Variants in TBL1X observed in about 807,000 individuals in gnomAD.
TBL1X encodes the protein F-box-like/WD repeat-containing protein TBL1X.
A neutral mutation model predicts 50.7 loss-of-function variants in TBL1X; 10 were observed. That is an observed-to-expected ratio of 0.20 (90% CI 0.12 to 0.33). The LOEUF is 0.33. TBL1X is among the 10% of genes least tolerant of loss of function. TBL1X has a pLI of 1.00. For synonymous variants in TBL1X, 190 were observed against 214.7 expected (o/e 0.88, Z 1.01); for missense variants, 340 against 504.4 (o/e 0.67, Z 3.12).
At position 9,483,155 on chromosome X, in the gene TBL1X, T is replaced by C. The variant is rs985182237; in HGVS notation, c.-201+17708T>C. Among the ~76,000 whole-genome samples, 29 of 111,573 alleles carry C rather than the reference T, an allele frequency of 2.6e-4. No individual in the cohort carries two copies. In the Admixed American group the frequency reaches 2.8e-3, roughly 11 times the overall value. ...GTTATCCAGCCCCAAAAGGTCAGCA[T>C]TGCAGAAATTAAGAAACCCTGACTT... On this transcript the variant is annotated intron_variant, in intron 1 of 17. Transcript: ENST00000645353.
At chrX:9,521,448 C>T (rs1266974815) in intron 2 of TBL1X, among the ~76,000 whole-genome samples, 1 of 111,534 alleles carries the variant, frequency 9.0e-6, no homozygotes, top group Admixed American at 9.5e-5. Context: ...TGACCTTCCT[C>T]CCATGACCCC....
intron 5 of TBL1X, among the ~76,000 whole-genome samples, chrX:9,667,829 C>G (rs1006606031): frequency 9.0e-6 from 1 of 111,555 alleles, no homozygotes; most frequent in Non-Finnish European, 1.9e-5. Context: ...TTTGAGTTAT[C>G]ATTTTGGCTA....
intron 2 of TBL1X, among the ~76,000 whole-genome samples, chrX:9,591,265 C>T (rs73631497): frequency 0.099 from 11,056 of 111,244 alleles, 1,008 homozygotes; most frequent in African/African-American, 0.3. Context: ...AGTGCCTGTC[C>T]CCTCTGCAGA....
intron 1 of TBL1X, among the ~76,000 whole-genome samples, chrX:9,475,922 T>G (rs1349106959): frequency 4.4e-5 from 5 of 112,386 alleles, no homozygotes; most frequent in Non-Finnish European, 9.4e-5. Flanking sequence ...CTCATACACT[T>G]GCGCAGTGCA....
chrX:9,665,529 ATATATATAT>A (rs2082925294), intron 5 of TBL1X, among the ~76,000 whole-genome samples: 2 of 54,974 alleles, frequency 3.6e-5, no homozygotes, highest in Non-Finnish European at 6.6e-5. Context: ...ATATATATAT[ATATATATAT>A]AAAAGGCCTT....
intron 2 of TBL1X, among the ~76,000 whole-genome samples, chrX:9,634,966 C>T (rs1601808044): frequency 9.0e-6 from 1 of 111,473 alleles, no homozygotes. Context: ...TTCTGAAAGC[C>T]GGGAGTGCTG....
Position 9,611,049 on chromosome X carries a change from C to T in TBL1X, c.-130-29224C>T, listed in dbSNP as rs996582756. ...GGGTTCCTTTCAGGGCTCAAGATTC[C>T]ATTTTCTCTCAATACTTTGCTCCTA... is the stretch of plus-strand genomic sequence containing the variant. On this transcript the variant is annotated intron_variant, in intron 2 of 17. Coordinates refer to ENST00000645353, the MANE Select transcript of TBL1X (RefSeq NM_005647.4). 2.7e-5 allele frequency among the ~76,000 whole-genome samples: 3 copies of T among 111,763 alleles called. No homozygotes were observed. The Admixed American group carries it at 2.9e-4, about 11-fold the overall frequency.
chrX:9,496,121 T>TGAAAGCC (rs1289543927), intron 1 of TBL1X, among the ~76,000 whole-genome samples: 2 of 112,399 alleles, frequency 1.8e-5, no homozygotes, highest in Non-Finnish European at 3.8e-5. Flanking sequence ...GAAGTCACCA[T>TGAAAGCC]GAAAGCCAGT....
At chrX:9,608,513 G>A (rs781167378) in intron 2 of TBL1X, among the ~76,000 whole-genome samples, 7 of 111,461 alleles carry the variant, frequency 6.3e-5, no homozygotes, top group Non-Finnish European at 9.4e-5. Flanking sequence ...CCCCATTCCG[G>A]ATGGTGCAGC....
intron 2 of TBL1X, among the ~76,000 whole-genome samples, chrX:9,603,476 A>C (rs148081517): frequency 1.6e-3 from 180 of 112,455 alleles, no homozygotes; most frequent in African/African-American, 5.1e-3. Flanking sequence ...CTAAAATATC[A>C]AGTCCATGAT....
At chrX:9,637,709 G>A (rs2082755060) in intron 2 of TBL1X, 1 of 111,881 alleles carries the variant, frequency 8.9e-6, no homozygotes, top group Non-Finnish European at 1.9e-5. Flanking sequence ...TTGAGACAAA[G>A]GCAGGCGGTA....
chrX:9,556,046 G>C lies in TBL1X; in HGVS notation c.-131+54197G>C, dbSNP rs1051838982. ...CCACAAAAAAATACAAAAATTAGCT[G>C]GGCATGGTGGCACACACCTGTGGTC... On this transcript the variant is annotated intron_variant, in intron 2 of 17. Coordinates refer to ENST00000645353, the MANE Select transcript of TBL1X (RefSeq NM_005647.4). 4.6e-5 allele frequency among the ~76,000 whole-genome samples: 5 copies of C among 109,608 alleles called. No homozygotes were observed. In the Admixed American group the frequency reaches 4.9e-4, roughly 11 times the overall value.
chrX:9,630,445 ATATAAAATAGTG>A (rs776457214), intron 2 of TBL1X, among the ~76,000 whole-genome samples: 2 of 111,655 alleles, frequency 1.8e-5, no homozygotes, highest in Non-Finnish European at 3.8e-5. Context: ...CAAGTCTCTG[ATATAAAATAGTG>A]TCCTATTTGC....
intron 1 of TBL1X, among the ~76,000 whole-genome samples, chrX:9,499,490 G>C (rs1197327607): frequency 8.9e-6 from 1 of 111,908 alleles, no homozygotes; most frequent in Admixed American, 9.5e-5. Context: ...AATAAAAAAC[G>C]CTGATGTTTG....
At chrX:9,581,912 C>T (rs1010223716) in intron 2 of TBL1X, among the ~76,000 whole-genome samples, 2 of 111,961 alleles carry the variant, frequency 1.8e-5, no homozygotes, top group African/African-American at 6.5e-5. Flanking sequence ...TAGATTCCAC[C>T]GAAGTTTCTC....
intron 2 of TBL1X, among the ~76,000 whole-genome samples, chrX:9,612,799 T>C (rs2082619995): frequency 9.0e-6 from 1 of 111,269 alleles, no homozygotes; most frequent in Non-Finnish European, 1.9e-5. Flanking sequence ...AAACATCTCA[T>C]GTACTCCATA....
chrX:9,550,838 G>A (rs1218881425), intron 2 of TBL1X, among the ~76,000 whole-genome samples: 1 of 111,409 alleles, frequency 9.0e-6, no homozygotes, highest in Non-Finnish European at 1.9e-5. Context: ...TGTTCCTTGG[G>A]GGACATTTGG....
At chrX:9,691,445 A>G (rs2083096628) in intron 7 of TBL1X, 134 bp from the exon 8 acceptor site, 3 of 703,367 alleles carry the variant, frequency 4.3e-6, no homozygotes, top group African/African-American at 2.3e-5. Context: ...CAAAAAAAAA[A>G]AAAAAAAAAG....
chrX:9,511,749 T>C (rs2082056702), intron 2 of TBL1X, among the ~76,000 whole-genome samples: 1 of 112,665 alleles, frequency 8.9e-6, no homozygotes, highest in South Asian at 3.6e-4. Flanking sequence ...AAAGTTTTGG[T>C]CCAAGTTTAA....
Sources: gnomAD v4.1 joint callset for allele counts (sites outside exome capture counted in the v4.1 genomes callset) on GRCh38, gnomAD v4.1.1 for gene constraint, MANE v1.5 for transcripts, NCBI Gene and HGNC (gene_info 2026-07-23, HGNC 2026-07-21) for gene names.